Variants in NTRK2 observed in about 807,000 individuals in gnomAD.
The protein encoded by NTRK2 is BDNF/NT-3 growth factors receptor.
Under a neutral mutation model 94.5 loss-of-function variants are expected in NTRK2, and 13 were observed. That is an observed-to-expected ratio of 0.14 (90% confidence interval 0.09 to 0.22). NTRK2 has a LOEUF of 0.22. NTRK2 is among the 10% of genes least tolerant of loss of function. NTRK2 has a pLI of 1.00. For missense variants in NTRK2, 639 were observed against 1,071.2 expected (o/e 0.60, Z 5.63); for synonymous variants, 372 against 407.4 (o/e 0.91, Z 1.05).
chr9:85,022,622 A>G lies in NTRK2; in HGVS notation c.*1185A>G, dbSNP rs915514796. The G allele has an allele frequency of 3.7e-4, 87 of 233,186 alleles. 7 individuals are homozygous for G. Among genetic ancestry groups the G allele is most frequent in the Non-Finnish European group, 1.7e-5 (2 of 118,046 alleles). The allele number at this position is 233,186 out of a possible 1,614,324, so 14.4% of individuals were successfully genotyped here. A position where few individuals can be genotyped will look rare whatever the true frequency, so the allele number is the denominator to read the frequency against. On this transcript the variant is annotated 3_prime_UTR_variant, in exon 19 of 19. Coordinates refer to ENST00000277120, the MANE Select transcript of NTRK2 (RefSeq NM_006180.6). ...CACCCGTCCTTTTAACTGTGCAAGCAAAATTGTGCATGGTCTTCGTCGATT... is the reference window on the plus strand; with the variant it reads ...CACCCGTCCTTTTAACTGTGCAAGCGAAATTGTGCATGGTCTTCGTCGATT...
intron 12 of NTRK2, among the ~76,000 whole-genome samples, chr9:84,783,224 T>C (rs1046951115): frequency 2.6e-5 from 4 of 152,224 alleles, no homozygotes; most frequent in African/African-American, 9.6e-5. Context: ...TGTCTAGGGA[T>C]TGACTTTCCC....
chr9:84,961,061 GACA>G (rs1824863261), intron 17 of NTRK2, among the ~76,000 whole-genome samples: 1 of 152,174 alleles, frequency 6.6e-6, no homozygotes, highest in Non-Finnish European at 1.5e-5. Flanking sequence ...CCCTATCTCA[GACA>G]ACATTTTCGT....
intron 2 of NTRK2, among the ~76,000 whole-genome samples, chr9:84,679,367 T>A (rs1486282133): frequency 6.6e-6 from 1 of 152,210 alleles, no homozygotes; most frequent in Non-Finnish European, 1.5e-5. Flanking sequence ...TTTAATGGAT[T>A]GTAAAGAAAT....
intron 12 of NTRK2, among the ~76,000 whole-genome samples, chr9:84,843,237 G>A (rs2074283711): frequency 6.6e-6 from 1 of 152,150 alleles, no homozygotes; most frequent in Non-Finnish European, 1.5e-5. Flanking sequence ...TGGGTCTACA[G>A]TAGATGAGTA....
chr9:84,693,471 A>G (rs1443517044), intron 2 of NTRK2, among the ~76,000 whole-genome samples: 1 of 152,194 alleles, frequency 6.6e-6, no homozygotes, highest in Non-Finnish European at 1.5e-5. Context: ...TACAGAGTGT[A>G]ATTTTTTTCT....
At chr9:85,006,654 C>T (rs1481562561) in intron 17 of NTRK2, among the ~76,000 whole-genome samples, 2 of 149,914 alleles carry the variant, frequency 1.3e-5, no homozygotes, top group Non-Finnish European at 1.5e-5. Context: ...ACTGACTTCT[C>T]CCAGCTCCCT....
chr9:85,021,753 C>A lies in NTRK2; in HGVS notation c.*316C>A, dbSNP rs1291052859. 6.9e-6 allele frequency: 3 copies of A among 433,350 alleles called. No homozygotes were observed. The highest frequency in any genetic ancestry group is 1.3e-5 in the Non-Finnish European group (3 of 236,832). The allele number at this position is 433,350 out of a possible 1,614,324, so 26.8% of individuals were successfully genotyped here. On this transcript the variant is annotated 3_prime_UTR_variant, in exon 19 of 19. Coordinates refer to ENST00000277120, the MANE Select transcript of NTRK2 (RefSeq NM_006180.6). ...ACGATTCTTACCCTTTCTTTTGAAT[C>A]AATCTGGCTTCTGCATTACTATTAA...
intron 12 of NTRK2, among the ~76,000 whole-genome samples, chr9:84,759,036 CA>C (rs1564203839): frequency 6.6e-6 from 1 of 152,198 alleles, no homozygotes; most frequent in East Asian, 1.9e-4. Flanking sequence ...AAGTCTATCT[CA>C]GCACTCTCTT....
chr9:84,850,192 G>C (rs576895980), intron 12 of NTRK2, among the ~76,000 whole-genome samples: 1 of 151,766 alleles, frequency 6.6e-6, no homozygotes, highest in African/African-American at 2.4e-5. Flanking sequence ...AAGCATGGGG[G>C]TTACATGTCT....
intron 12 of NTRK2, among the ~76,000 whole-genome samples, chr9:84,828,876 A>G (rs190643930): frequency 9.1e-4 from 138 of 152,340 alleles, no homozygotes; most frequent in Non-Finnish European, 1.6e-3. Context: ...ATGGAATGCT[A>G]CATGCCTTCT....
At chr9:84,970,113 G>A (rs1012809172) in intron 17 of NTRK2, among the ~76,000 whole-genome samples, 4 of 152,232 alleles carry the variant, frequency 2.6e-5, no homozygotes, top group South Asian at 2.1e-4. Context: ...TAATAGGGCC[G>A]GGCATGGTGG....
At chr9:84,933,793 G>T (rs943381322) in intron 14 of NTRK2, among the ~76,000 whole-genome samples, 1 of 152,196 alleles carries the variant, frequency 6.6e-6, no homozygotes, top group African/African-American at 2.4e-5. Flanking sequence ...GCTTTGCCCT[G>T]CTGGACACAC....
chr9:84,774,719 A>G (rs114409359), intron 12 of NTRK2, among the ~76,000 whole-genome samples: 110 of 152,364 alleles, frequency 7.2e-4, no homozygotes, highest in African/African-American at 2.5e-3. Context: ...TAGGGTCCAT[A>G]GGAATCTTTT....
intron 2 of NTRK2, among the ~76,000 whole-genome samples, chr9:84,684,429 A>G (rs769829821): frequency 8.5e-5 from 13 of 152,206 alleles, no homozygotes; most frequent in African/African-American, 1.2e-4. Flanking sequence ...CAGTTTTCCC[A>G]GTACCATTTA....
chr9:84,787,765 T>G (rs970290889), intron 12 of NTRK2, among the ~76,000 whole-genome samples: 5 of 151,928 alleles, frequency 3.3e-5, no homozygotes, highest in African/African-American at 1.2e-4. Flanking sequence ...CTGTATAGAG[T>G]TGTTGTGAGG....
At chr9:84,895,550 G>T (rs975808745) in intron 14 of NTRK2, among the ~76,000 whole-genome samples, 1 of 152,188 alleles carries the variant, frequency 6.6e-6, no homozygotes, top group Non-Finnish European at 1.5e-5. Context: ...TGGCTGTGGG[G>T]CTCCTTTAGC....
intron 17 of NTRK2, among the ~76,000 whole-genome samples, chr9:84,959,842 T>C (rs1378156518): frequency 6.6e-6 from 1 of 152,228 alleles, no homozygotes; most frequent in Non-Finnish European, 1.5e-5. Flanking sequence ...TGGTCATGCC[T>C]GTGCCGCATT....
At chr9:84,796,098 A>G (rs11140759) in intron 12 of NTRK2, among the ~76,000 whole-genome samples, 9,941 of 152,202 alleles carry the variant, frequency 0.065, 1,052 homozygotes, top group African/African-American at 0.22. Flanking sequence ...ACCAACAAAT[A>G]AAAACAGCAA....
intron 15 of NTRK2, among the ~76,000 whole-genome samples, chr9:84,944,416 C>G (rs1477410870): frequency 6.6e-6 from 1 of 152,110 alleles, no homozygotes; most frequent in Non-Finnish European, 1.5e-5. Context: ...GTGTGAGCCA[C>G]CATGCCTGGC....
Sources: allele counts gnomAD v4.1 joint callset (sites outside exome capture counted in the v4.1 genomes callset), GRCh38; gene constraint gnomAD v4.1.1; transcripts MANE v1.5; gene names NCBI Gene and HGNC (gene_info 2026-07-23, HGNC 2026-07-21).